Variants in C4orf50 observed in about 807,000 individuals in gnomAD.
C4orf50 encodes chromosome 4 open reading frame 50.
Under a neutral mutation model 77.2 loss-of-function variants are expected in C4orf50, and 80 were observed. That is an observed-to-expected ratio of 1.04 (90% confidence interval 0.87 to 1.25). The LOEUF is 1.25. Among genes scored for constraint, C4orf50 ranks in the 50% most tolerant of loss-of-function variants. The pLI, the probability that C4orf50 is intolerant of heterozygous loss-of-function variation, is 0.00. For synonymous variants in C4orf50, 532 were observed against 465.3 expected, an observed-to-expected ratio of 1.14 and a Z score of -1.84; for missense variants, 1,257 against 1,152.9, an observed-to-expected ratio of 1.09 and a Z score of -1.31.
At chr4:5,909,492 T>C (rs1279547834) in intron 7 of C4orf50, among the ~76,000 whole-genome samples, 1 of 152,262 alleles carries the variant, frequency 6.6e-6, no homozygotes, top group Non-Finnish European at 1.5e-5. Flanking sequence ...TTTCCTTTGC[T>C]GTGCAGGAAC....
intron 25 of C4orf50, among the ~76,000 whole-genome samples, chr4:6,002,827 ATCG>A (rs1721889769): frequency 6.6e-6 from 1 of 152,204 alleles, no homozygotes; most frequent in Admixed American, 6.5e-5. Flanking sequence ...TGGGAATTAC[ATCG>A]GGGCCTCACT....
At chr4:5,925,909 G>A (rs1010667172) in intron 7 of C4orf50, among the ~76,000 whole-genome samples, 26 of 152,328 alleles carry the variant, frequency 1.7e-4, no homozygotes, top group African/African-American at 5.8e-4. Context: ...CAGACCCAGG[G>A]CAAGATCTCA....
intron 7 of C4orf50, among the ~76,000 whole-genome samples, chr4:5,930,200 C>T (rs1717705940): frequency 6.6e-6 from 1 of 152,184 alleles, no homozygotes; most frequent in Non-Finnish European, 1.5e-5. Flanking sequence ...CTCTCTAGGC[C>T]TCAGATTCCT....
At chr4:5,986,543 T>G (rs1720871986) in intron 28 of C4orf50, among the ~76,000 whole-genome samples, 2 of 147,742 alleles carry the variant, frequency 1.4e-5, no homozygotes, top group Non-Finnish European at 3.0e-5. Context: ...ACGTCATTTT[T>G]TTTTTTTTTT....
intron 7 of C4orf50, among the ~76,000 whole-genome samples, chr4:5,931,703 T>A (rs1373592724): frequency 6.6e-6 from 1 of 151,936 alleles, no homozygotes. Flanking sequence ...TGCAGGGGGA[T>A]CCCTCTCGTT....
rs376880346 is a variant in C4orf50, at chr4:5,908,685, C to T, written c.*2475-10497G>A. On this transcript the variant is annotated intron_variant, in intron 7 of 7. Coordinates refer to the C4orf50 transcript ENST00000324058. This position sits in a 1 kb window ranked among gnomAD's most constrained non-coding sequence, Gnocchi z 5.6. ...ACAAAAGCTCCTCAATGAGAGAACACCATCCGATAGGAGAGACCAATACAT... is the reference window on the plus strand; with the variant it reads ...ACAAAAGCTCCTCAATGAGAGAACATCATCCGATAGGAGAGACCAATACAT... Among the ~76,000 whole-genome samples, 1 of 152,130 alleles carries T rather than the reference C, an allele frequency of 6.6e-6. No individual in the cohort carries two copies. The highest frequency in any genetic ancestry group is 1.5e-5 in the Non-Finnish European group (1 of 68,038).
intron 7 of C4orf50, among the ~76,000 whole-genome samples, chr4:5,911,317 C>T (rs1271468483): frequency 1.3e-5 from 2 of 152,200 alleles, no homozygotes; most frequent in Middle Eastern, 3.2e-3. Context: ...ATGGATGTGT[C>T]CTCTGATGGG....
chr4:5,995,180 G>A (rs1721511089), intron 25 of C4orf50, among the ~76,000 whole-genome samples: 1 of 152,064 alleles, frequency 6.6e-6, no homozygotes, highest in Non-Finnish European at 1.5e-5. Flanking sequence ...CTGGGTGGGG[G>A]CAGTGAGTCA....
rs1388487384 is a variant in C4orf50 at position 5,992,423 on chromosome 4, G to A, written c.1221+380C>T. The stretch of plus-strand genomic sequence containing the variant: ...CCAGCATGGGGCAGTGTGGGCCGTC[G>A]AGCCTGGATCTCGGGGTCCACCTCC... On this transcript the variant is annotated intron_variant, in intron 27 of 33. Transcript: ENST00000531445. The surrounding 1 kb of genome is among the most constrained non-coding windows in gnomAD (Gnocchi z 5.0). 6.6e-6 allele frequency among the ~76,000 whole-genome samples: 1 copy of A among 152,040 alleles called. No homozygotes were observed. The highest frequency in any genetic ancestry group is 1.5e-5 in the Non-Finnish European group (1 of 67,998).
chr4:5,980,099 C>G (rs1295714482), intron 29 of C4orf50, 75 bp downstream of exon 7: 1 of 1,319,940 alleles, frequency 7.6e-7, no homozygotes, highest in South Asian at 1.5e-5. Flanking sequence ...CTCAGCAAAT[C>G]TTTGTTCACT....
chr4:5,923,549 G>C (rs1023842784), intron 7 of C4orf50, among the ~76,000 whole-genome samples: 1 of 152,056 alleles, frequency 6.6e-6, no homozygotes, highest in Non-Finnish European at 1.5e-5. Context: ...TGATAGAAAG[G>C]AGGCAGAACC....
intron 7 of C4orf50, among the ~76,000 whole-genome samples, chr4:5,927,900 C>T (rs1168107820): frequency 2.0e-5 from 3 of 152,150 alleles, no homozygotes; most frequent in Non-Finnish European, 1.5e-5. Flanking sequence ...CCAATCCCCT[C>T]CCCAACACCT....
chr4:5,909,535 TTTGCTTTTG>T (rs1474848804), intron 7 of C4orf50, among the ~76,000 whole-genome samples: 7 of 152,370 alleles, frequency 4.6e-5, no homozygotes, highest in African/African-American at 1.4e-4. Context: ...GTTGCATATT[TTTGCTTTTG>T]TTGCTTACAC....
At chr4:5,912,552 G>A (rs1716855026) in intron 7 of C4orf50, among the ~76,000 whole-genome samples, 1 of 152,156 alleles carries the variant, frequency 6.6e-6, no homozygotes, top group Non-Finnish European at 1.5e-5. Flanking sequence ...GTGCACCAGT[G>A]TTCTAAAATG....
Position 5,916,427 on chromosome 4 carries a change from G to C in C4orf50, c.*2475-18239C>G, listed in dbSNP as rs1717031120. 6.6e-6 allele frequency among the ~76,000 whole-genome samples: 1 copy of C among 152,122 alleles called. No individual in the cohort carries two copies. The highest frequency in any genetic ancestry group is 1.5e-5 in the Non-Finnish European group (1 of 68,028). ...CTGGGAGCCAGGACCTGCCCCCAGA[G>C]CTCAGACCCCAGGCACTGGGTTGTT... On this transcript the variant is annotated intron_variant, in intron 7 of 7. Transcript: ENST00000324058. The surrounding 1 kb of genome is among the most constrained non-coding windows in gnomAD (Gnocchi z 4.4).
chr4:5,946,881 T>A (rs1307818967), intron 7 of C4orf50, among the ~76,000 whole-genome samples: 1 of 152,208 alleles, frequency 6.6e-6, no homozygotes, highest in African/African-American at 2.4e-5. Context: ...GCTGAGAGAA[T>A]TAAATTTATG....
intron 7 of C4orf50, among the ~76,000 whole-genome samples, chr4:5,927,492 C>A (rs1225713892): frequency 6.6e-6 from 1 of 151,896 alleles, no homozygotes; most frequent in Non-Finnish European, 1.5e-5. Context: ...AATTGTAAAC[C>A]CCATGTGTTG....
chr4:5,934,446 T>C (rs1306125314), intron 7 of C4orf50, among the ~76,000 whole-genome samples: 2 of 152,206 alleles, frequency 1.3e-5, no homozygotes, highest in African/African-American at 4.8e-5. Flanking sequence ...TTGTCATCCC[T>C]GCAGGAGAAG....
intron 25 of C4orf50, among the ~76,000 whole-genome samples, chr4:6,003,941 T>C (rs565403424): frequency 1.6e-5 from 1 of 61,054 alleles, no homozygotes; most frequent in African/African-American, 6.3e-5. Flanking sequence ...ATGATGGTGA[T>C]GGTGATGATG....
Sources: allele counts gnomAD v4.1 joint callset (sites outside exome capture counted in the v4.1 genomes callset), GRCh38; gene constraint gnomAD v4.1.1; non-coding constraint Gnocchi (gnomAD v3.1); transcripts MANE v1.5; gene names NCBI Gene and HGNC (gene_info 2026-07-23, HGNC 2026-07-21).